The following HBS1L variants were observed in gnomAD, a reference collection of about 807,000 sequenced individuals.
The protein encoded by HBS1L is HBS1-like protein.
Under a neutral mutation model 88.9 loss-of-function variants are expected in HBS1L, and 55 were observed. That is an observed-to-expected ratio of 0.62 (90% CI 0.50 to 0.77). The LOEUF (loss-of-function observed/expected upper bound fraction) is 0.77, where lower values mean the gene tolerates loss of function less well. Among genes scored for constraint, HBS1L ranks in the 30% least tolerant of loss-of-function variants. The pLI, the probability that HBS1L is intolerant of heterozygous loss-of-function variation, is 0.00. For missense variants in HBS1L, 741 were observed against 829.3 expected (o/e 0.89, Z 1.31); for synonymous variants, 267 against 288.5 (o/e 0.93, Z 0.76).
chr6:135,039,581 A>G lies in HBS1L; in HGVS notation c.422T>C (p.Ile141Thr). 1 of 1,613,348 alleles carries G rather than the reference A, an allele frequency of 6.2e-7. No individual in the cohort carries two copies. Among genetic ancestry groups the G allele is most frequent in the Non-Finnish European group, 8.5e-7 (1 of 1,179,682 alleles). ...KNEATVSTGK[I>T]AKGKPVDSQT... ...AACAAGTAAAGGCATACCTTTTGCT[A>G]TCTTTCCTGTAGATACTGTTGCCTC... Residue 141 changes from isoleucine to threonine, a missense_variant, in exon 4 of 18, where the codon ATA becomes ACA. Coordinates refer to ENST00000367837, the MANE Select transcript of HBS1L (RefSeq NM_006620.4).
intron 16 of HBS1L, among the ~76,000 whole-genome samples, chr6:134,967,330 A>G (rs1774345597): frequency 2.0e-5 from 3 of 152,206 alleles, no homozygotes; most frequent in Admixed American, 2.0e-4. Flanking sequence ...GAAGGTTCTA[A>G]AAAAATACAC....
chr6:134,967,315 TA>T (rs1473281569), intron 16 of HBS1L, among the ~76,000 whole-genome samples: 1 of 152,148 alleles, frequency 6.6e-6, no homozygotes, highest in Non-Finnish European at 1.5e-5. Context: ...GGCAGACGAC[TA>T]AAAGAAGGTT....
intron 8 of HBS1L, among the ~76,000 whole-genome samples, chr6:134,993,184 A>G (rs1043276036): frequency 6.6e-6 from 1 of 152,200 alleles, no homozygotes; most frequent in African/African-American, 2.4e-5. Context: ...TTCACAAATG[A>G]TGAAACTGCC....
At chr6:135,000,257 C>T (rs1775413269) in intron 5 of HBS1L, among the ~76,000 whole-genome samples, 1 of 135,676 alleles carries the variant, frequency 7.4e-6, no homozygotes, top group Admixed American at 7.2e-5. Flanking sequence ...GGGGGAATCT[C>T]AATATATTGC....
At chr6:135,044,657 AT>A (rs1776853449) in intron 2 of HBS1L, among the ~76,000 whole-genome samples, 1 of 152,152 alleles carries the variant, frequency 6.6e-6, no homozygotes, top group Non-Finnish European at 1.5e-5. Context: ...AATTCATGGC[AT>A]TTTAGATTTA....
chr6:135,012,187 T>C lies in HBS1L; in HGVS notation c.431-9345A>G, dbSNP rs192683855. Among the ~76,000 whole-genome samples the C allele has an allele frequency of 3.8e-3, 576 of 152,260 alleles. 3 individuals are homozygous for C. Among genetic ancestry groups the C allele is most frequent in the African/African-American group, 0.012 (515 of 41,534 alleles). On this transcript the variant is annotated intron_variant, in intron 4 of 17. Coordinates refer to ENST00000367837, the MANE Select transcript of HBS1L (RefSeq NM_006620.4). Reference sequence around the variant, plus strand: ...GATGTACATAAGGGAATGGTTATGATGTATCCAAACAATGGAATAGTATGC... The same window carrying C: ...GATGTACATAAGGGAATGGTTATGACGTATCCAAACAATGGAATAGTATGC...
At chr6:135,039,054 T>G (rs1583149872) in intron 4 of HBS1L, among the ~76,000 whole-genome samples, 1 of 152,146 alleles carries the variant, frequency 6.6e-6, no homozygotes, top group Admixed American at 6.5e-5. Context: ...GGCTGACGCC[T>G]GCAATCCAAG....
Position 134,969,024 on chromosome 6 carries a change from A to AT in HBS1L, c.1898+213dup, listed in dbSNP as rs574637677. 5.3e-5 allele frequency among the ~76,000 whole-genome samples: 8 copies of AT among 152,310 alleles called. No homozygotes were observed. In the South Asian group the frequency reaches 1.4e-3, roughly 28 times the overall value. On this transcript the variant is annotated intron_variant, in intron 16 of 17. Coordinates refer to ENST00000367837, the MANE Select transcript of HBS1L (RefSeq NM_006620.4). ...TAATTCACATCCTCCACCACCACAC[A>AT]TAACAGAAATTATATCTAGTACCCA...
intron 16 of HBS1L, among the ~76,000 whole-genome samples, chr6:134,968,771 A>G (rs979852438): frequency 6.6e-6 from 1 of 150,912 alleles, no homozygotes; most frequent in Non-Finnish European, 1.5e-5. Context: ...AAAAAAACAA[A>G]CTTTCCAGAT....
intron 9 of HBS1L, among the ~76,000 whole-genome samples, chr6:134,987,401 A>T (rs1219047687): frequency 6.6e-6 from 1 of 152,156 alleles, no homozygotes; most frequent in Non-Finnish European, 1.5e-5. Flanking sequence ...TATAATAAAC[A>T]TGTATTATTT....
At chr6:134,990,814 A>G (rs1055566219) in intron 8 of HBS1L, among the ~76,000 whole-genome samples, 1 of 152,150 alleles carries the variant, frequency 6.6e-6, no homozygotes, top group Non-Finnish European at 1.5e-5. Flanking sequence ...AGCCTCCCAA[A>G]GTGCTGGGAT....
At chr6:134,968,904 T>C (rs1454876840) in intron 16 of HBS1L, among the ~76,000 whole-genome samples, 1 of 152,218 alleles carries the variant, frequency 6.6e-6, no homozygotes, top group African/African-American at 2.4e-5. Flanking sequence ...AACCGGTGTC[T>C]AGACATATTT....
chr6:134,993,315 T>C (rs1409170833), intron 8 of HBS1L, among the ~76,000 whole-genome samples: 2 of 152,170 alleles, frequency 1.3e-5, no homozygotes, highest in Non-Finnish European at 2.9e-5. Flanking sequence ...AATGCTTTTT[T>C]AATATTATAA....
intron 15 of HBS1L, among the ~76,000 whole-genome samples, chr6:134,969,620 G>C (rs1490357214): frequency 1.3e-5 from 2 of 152,102 alleles, no homozygotes; most frequent in African/African-American, 2.4e-5. Context: ...AAAGATGGAG[G>C]GTAACAACAT....
At position 135,054,678 on chromosome 6, in the gene HBS1L, C is replaced by G; in HGVS notation, c.14G>C (p.Arg5Pro). 6.2e-7 allele frequency: 1 copy of G among 1,614,240 alleles called. No homozygotes were observed. Among genetic ancestry groups the G allele is most frequent in the Non-Finnish European group, 8.5e-7 (1 of 1,180,040 alleles). Reference sequence around the variant, plus strand: ...ATCGTAGTTATAGCCTCGAACATTCCGATGCCGGGCCATGACGGCGGAGAG... The same window carrying G: ...ATCGTAGTTATAGCCTCGAACATTCGGATGCCGGGCCATGACGGCGGAGAG... MARH[R>P]NVRGYNYDED... Residue 5 changes from arginine (R) to proline (P), a missense_variant, in exon 1 of 18, where the codon CGG becomes CCG. Arg to Pro is a moderately radical substitution (Grantham distance 103). Transcript: ENST00000367837.
intron 7 of HBS1L, among the ~76,000 whole-genome samples, chr6:134,994,526 T>C (rs759696508): frequency 5.9e-5 from 9 of 152,110 alleles, no homozygotes; most frequent in Non-Finnish European, 1.3e-4. Context: ...TTACAGACTT[T>C]TTTGGACTTG....
intron 4 of HBS1L, among the ~76,000 whole-genome samples, chr6:135,020,063 A>G (rs1776030044): frequency 6.6e-6 from 1 of 151,744 alleles, no homozygotes; most frequent in Admixed American, 6.6e-5. Context: ...GTTATGTGAA[A>G]GAATATATAT....
chr6:135,053,846 G>A (rs1440176238), intron 1 of HBS1L, among the ~76,000 whole-genome samples: 1 of 152,184 alleles, frequency 6.6e-6, no homozygotes, highest in Non-Finnish European at 1.5e-5. Context: ...TGCATGAAGA[G>A]GGATGTGCTC....
At chr6:134,990,113 T>A (rs1004616738) in intron 8 of HBS1L, among the ~76,000 whole-genome samples, 3 of 152,222 alleles carry the variant, frequency 2.0e-5, no homozygotes, top group African/African-American at 7.2e-5. Flanking sequence ...AAATGTGAAA[T>A]TCATTGAATT....
Sources: gnomAD v4.1 joint callset for allele counts (sites outside exome capture counted in the v4.1 genomes callset) on GRCh38, gnomAD v4.1.1 for gene constraint, MANE v1.5 for transcripts, NCBI Gene and HGNC (gene_info 2026-07-23, HGNC 2026-07-21) for gene names.